Variants in RNF135 observed in about 807,000 individuals in gnomAD.
RNF135 encodes the protein E3 ubiquitin-protein ligase RNF135.
RNF135 carries 46 observed loss-of-function variants against 41.9 expected under a neutral mutation model. The ratio of observed to expected loss-of-function variants is 1.10; its 90% CI spans 0.87 to 1.40. The LOEUF (loss-of-function observed/expected upper bound fraction) is 1.40. Among genes scored for constraint, RNF135 ranks in the 40% most tolerant of loss-of-function variants. The probability of loss-of-function intolerance (pLI) is 0.00; values close to 1 mark genes in which losing one functional copy is unlikely to be tolerated. For synonymous variants in RNF135, 238 were observed against 223.8 expected, an observed-to-expected ratio of 1.06 and a Z score of -0.57; for missense variants, 539 against 549.8, an observed-to-expected ratio of 0.98 and a Z score of 0.20.
At chr17:30,994,388 AC>A (rs1908197932) in intron 3 of RNF135, among the ~76,000 whole-genome samples, 1 of 151,834 alleles carries the variant, frequency 6.6e-6, no homozygotes, top group African/African-American at 2.4e-5. Flanking sequence ...TACCAAAAAT[AC>A]AAAAACTAGC....
chr17:30,969,807 C>T (rs1465545667), upstream of RNF135, among the ~76,000 whole-genome samples: 1 of 148,734 alleles, frequency 6.7e-6, no homozygotes, highest in East Asian at 2.0e-4. Context: ...CTATGTCGCC[C>T]AGGCTGGAGT....
At chr17:30,961,156 A>AT in the RNF135 span, among the ~76,000 whole-genome samples, 5 of 152,188 alleles carry the variant, frequency 3.3e-5, no homozygotes, top group African/African-American at 1.2e-4. Flanking sequence ...CTATATGGCT[A>AT]TACCATACCT....
chr17:30,978,686 T>G (rs1246831881), intron 1 of RNF135: 15 of 143,810 alleles, frequency 1.0e-4, no homozygotes, highest in Admixed American at 7.0e-5. Context: ...AGGACAATAG[T>G]GGAGGGAAGG....
intron 3 of RNF135, among the ~76,000 whole-genome samples, chr17:30,996,611 TGCA>T (rs1319797764): frequency 2.0e-5 from 3 of 152,194 alleles, no homozygotes; most frequent in Non-Finnish European, 2.9e-5. Context: ...TTAGATTCAC[TGCA>T]GCTGCTGTCA....
the RNF135 span, among the ~76,000 whole-genome samples, chr17:30,964,299 G>A: frequency 7.2e-6 from 1 of 138,234 alleles, no homozygotes; most frequent in East Asian, 2.2e-4. Context: ...TGAGGCAGGA[G>A]AATCGCTTGA....
rs761160878 is a variant in RNF135 at position 30,971,048 on chromosome 17, G to A, written c.-26G>A. ...GAGACTCGCCCGGCTCAACCCCGAC[G>A]TCCGCGCCCCGGCCGCCTGTTGGCC... On this transcript the variant is annotated 5_prime_UTR_variant, in exon 1 of 5. Coordinates refer to ENST00000328381, the MANE Select transcript of RNF135 (RefSeq NM_032322.4). The A allele has an allele frequency of 2.6e-6, 4 of 1,529,388 alleles. No homozygotes were observed. The highest frequency in any genetic ancestry group is 2.4e-5 in the South Asian group (2 of 83,858). 94.7% of individuals were successfully genotyped at this position (1,529,388 alleles called of 1,614,324 possible).
At chr17:30,975,792 A>G (rs1906394250) in intron 1 of RNF135, 1 of 1,056,566 alleles carries the variant, frequency 9.5e-7, no homozygotes, top group East Asian at 2.4e-5. Context: ...CTGTACCCCA[A>G]CATCAAGGTC....
chr17:30,991,096 A>T (rs989047972), intron 3 of RNF135, among the ~76,000 whole-genome samples: 6 of 152,164 alleles, frequency 3.9e-5, no homozygotes, highest in African/African-American at 1.4e-4. Context: ...CAGTTGGGTT[A>T]TACCAGTCTT....
At position 30,976,106 on chromosome 17, in the gene RNF135, A is replaced by G. The variant is rs1291652331; in HGVS notation, c.372+4661A>G. On this transcript the variant is annotated intron_variant, in intron 1 of 4. Transcript: ENST00000328381. ...CTGCAACCTCCGCCTCCCTGGTTCA[A>G]GTGATTCTCCTGCCTCAGTCTTCCC... Among the ~76,000 whole-genome samples the G allele has an allele frequency of 7.2e-5, 11 of 152,146 alleles. No individual in the cohort carries two copies. The East Asian group carries it at 2.1e-3, about 29-fold the overall frequency.
intron 1 of RNF135, among the ~76,000 whole-genome samples, chr17:30,983,353 ATTTTT>A (rs1192298651): frequency 2.2e-4 from 8 of 35,734 alleles, no homozygotes; most frequent in African/African-American, 5.5e-4. Flanking sequence ...ATATATATAT[ATTTTT>A]TTTTTTTTTT....
upstream of RNF135, among the ~76,000 whole-genome samples, chr17:30,967,685 T>C (rs1294657900): frequency 6.6e-6 from 1 of 151,442 alleles, no homozygotes; most frequent in Non-Finnish European, 1.5e-5. Context: ...TTCAGAAAGA[T>C]AAAAGAATGA....
chr17:30,964,468 G>C, the RNF135 span, among the ~76,000 whole-genome samples: 1 of 151,510 alleles, frequency 6.6e-6, no homozygotes, highest in East Asian at 1.9e-4. Flanking sequence ...GCCGAGCGTG[G>C]TGGTTCATGC....
chr17:30,971,204 GC>G lies in RNF135; in HGVS notation c.133del (p.Leu45TrpfsTer83). On this transcript the variant is annotated frameshift_variant, in exon 1 of 5. Transcript: ENST00000328381. LOFTEE classifies it high-confidence loss of function. Reference protein sequence around the residue: ...LPCGHSFCRHCLEALWGARDA... With the variant: ...LPCGHSFCRHXLEALWGARDA... ...TGCGGCCACAGCTTCTGCCGCCACT[GC>G]CTGGAGGCCCTGTGGGGCGCCCGCG... is the stretch of plus-strand genomic sequence containing the variant. The G allele has an allele frequency of 6.6e-7, 1 of 1,522,766 alleles. No individual in the cohort carries two copies. Among genetic ancestry groups the G allele is most frequent in the Non-Finnish European group, 8.8e-7 (1 of 1,141,740 alleles). The allele number at this position is 1,522,766 out of a possible 1,614,324, so 94.3% of individuals were successfully genotyped here.
upstream of RNF135, chr17:30,970,982 G>A: frequency 6.7e-7 from 1 of 1,501,562 alleles, no homozygotes; most frequent in Non-Finnish European, 8.9e-7. Flanking sequence ...GAGAAAAGGA[G>A]GAGGGCAAGG....
At chr17:30,975,156 GA>G (rs991395869) in intron 1 of RNF135, among the ~76,000 whole-genome samples, 160 of 146,122 alleles carry the variant, frequency 1.1e-3, no homozygotes, top group Middle Eastern at 3.5e-3. Context: ...GAGACCCAAT[GA>G]AAAAAAAAAG....
Position 30,988,176 on chromosome 17 carries a change from G to A in RNF135, c.679+70G>A, listed in dbSNP as rs1022744252. 2.7e-6 allele frequency: 4 copies of A among 1,454,784 alleles called. No homozygotes were observed. In the African/African-American group the frequency reaches 4.2e-5, roughly 15 times the overall value. The allele number at this position is 1,454,784 out of a possible 1,614,324, so 90.1% of individuals were successfully genotyped here. ...GGGGGGAGTAGCAGAGTGCTCTATG[G>A]CTTTGTTCTCTGGGGATAGGATCCC... is the stretch of plus-strand genomic sequence containing the variant. On this transcript the variant is annotated intron_variant, in intron 3 of 4. Transcript: ENST00000328381.
chr17:30,971,366 C>T lies in RNF135; in HGVS notation c.293C>T (p.Pro98Leu), dbSNP rs1183852540. The stretch of plus-strand genomic sequence containing the variant: ...CGCGAGATACAGGCGGGCTCCGACC[C>T]TGCCCACTGCCCCTGCCCGGGCTCC... ...AAREIQAGSDPAHCPCPGSSS... is the reference protein window; with the variant it reads ...AAREIQAGSDLAHCPCPGSSS... Residue 98 changes from proline (P) to leucine (L), a missense_variant, in exon 1 of 5, where the codon CCT becomes CTT. Coordinates refer to ENST00000328381, the MANE Select transcript of RNF135 (RefSeq NM_032322.4). 6.5e-7 allele frequency: 1 copy of T among 1,528,918 alleles called. No individual in the cohort carries two copies. The highest frequency in any genetic ancestry group is 1.4e-5 in the African/African-American group (1 of 70,492). The allele number at this position is 1,528,918 out of a possible 1,614,324, so 94.7% of individuals were successfully genotyped here. A position where few individuals can be genotyped will look rare whatever the true frequency, so the allele number is the denominator to read the frequency against.
intron 1 of RNF135, among the ~76,000 whole-genome samples, chr17:30,976,309 C>T (rs900422390): frequency 1.3e-5 from 2 of 152,164 alleles, no homozygotes; most frequent in Non-Finnish European, 2.9e-5. Flanking sequence ...CAGCCTATTT[C>T]AATTTTTTTT....
chr17:30,979,935 G>A (rs1310348141), intron 1 of RNF135, among the ~76,000 whole-genome samples: 7 of 112,592 alleles, frequency 6.2e-5, no homozygotes, highest in Non-Finnish European at 9.5e-5. Flanking sequence ...AGGGGCGGCC[G>A]GGCAGAGGCG....
Sources: allele counts gnomAD v4.1 joint callset (sites outside exome capture counted in the v4.1 genomes callset), GRCh38; gene constraint gnomAD v4.1.1; transcripts MANE v1.5; gene names NCBI Gene and HGNC (gene_info 2026-07-23, HGNC 2026-07-21).